Variants in SLC24A2 observed in about 807,000 individuals in gnomAD.
SLC24A2 encodes the protein solute carrier family 24 member 2.
Under a neutral mutation model 62.0 loss-of-function variants are expected in SLC24A2, and 36 were observed. That is an observed-to-expected ratio of 0.58 (90% confidence interval 0.44 to 0.77). The LOEUF is 0.77. SLC24A2 is among the 30% of genes least tolerant of loss of function. The pLI is 0.00. For missense variants in SLC24A2, 846 were observed against 817.9 expected (o/e 1.03, Z -0.42); for synonymous variants, 358 against 294.0 (o/e 1.22, Z -2.23).
chr9:20,158,734 C>T, the SLC24A2 span, among the ~76,000 whole-genome samples: 1 of 151,394 alleles, frequency 6.6e-6, no homozygotes, highest in Non-Finnish European at 1.5e-5. Context: ...GAAAACAAGG[C>T]AAAGAAGACT....
chr9:20,023,344 A>G, the SLC24A2 span, among the ~76,000 whole-genome samples: 3 of 152,324 alleles, frequency 2.0e-5, no homozygotes, highest in Admixed American at 6.5e-5. Context: ...CTGTATTTCC[A>G]TGGAAACACA....
chr9:20,046,775 G>C, the SLC24A2 span, among the ~76,000 whole-genome samples: 4 of 152,132 alleles, frequency 2.6e-5, no homozygotes, highest in Non-Finnish European at 5.9e-5. Context: ...TTTATCCCCA[G>C]AGAATCTCAT....
the SLC24A2 span, among the ~76,000 whole-genome samples, chr9:20,207,611 T>G: frequency 6.6e-6 from 1 of 152,252 alleles, no homozygotes; most frequent in East Asian, 1.9e-4. Context: ...CACACCTTTT[T>G]GTATCCTTAG....
chr9:19,689,348 T>G (rs186316352), intron 2 of SLC24A2, among the ~76,000 whole-genome samples: 1 of 152,296 alleles, frequency 6.6e-6, no homozygotes, highest in Non-Finnish European at 1.5e-5. Flanking sequence ...GCCATATTCT[T>G]AGTTAACTCA....
At chr9:19,621,360 T>A (rs745921219) in intron 3 of SLC24A2, among the ~76,000 whole-genome samples, 57 of 152,192 alleles carry the variant, frequency 3.7e-4, no homozygotes, top group Admixed American at 8.5e-4. Context: ...CTGGATCAGG[T>A]GTATTCTATG....
At chr9:19,583,911 T>C (rs898954980) in intron 5 of SLC24A2, among the ~76,000 whole-genome samples, 4 of 152,124 alleles carry the variant, frequency 2.6e-5, no homozygotes, top group African/African-American at 9.7e-5. Flanking sequence ...ATTTTTTTTA[T>C]TAAGCTGCCC....
the SLC24A2 span, among the ~76,000 whole-genome samples, chr9:20,078,932 C>A: frequency 6.6e-6 from 1 of 152,162 alleles, no homozygotes; most frequent in African/African-American, 2.4e-5. Flanking sequence ...TGTCTTAGAA[C>A]ACTAGTAACT....
the SLC24A2 span, among the ~76,000 whole-genome samples, chr9:20,227,529 C>T: frequency 1.7e-5 from 2 of 117,500 alleles, no homozygotes; most frequent in Admixed American, 9.9e-5. Flanking sequence ...AAGGCTCACA[C>T]ATTTCTAAAA....
the SLC24A2 span, among the ~76,000 whole-genome samples, chr9:19,873,646 A>G: frequency 6.8e-6 from 1 of 148,144 alleles, no homozygotes; most frequent in African/African-American, 2.5e-5. Flanking sequence ...ACAGGGTCTC[A>G]TATTCAGAAG....
At chr9:20,050,655 C>T in the SLC24A2 span, among the ~76,000 whole-genome samples, 1 of 152,168 alleles carries the variant, frequency 6.6e-6, no homozygotes, top group Non-Finnish European at 1.5e-5. Flanking sequence ...TGTATCAACT[C>T]TATTTGATAG....
the SLC24A2 span, among the ~76,000 whole-genome samples, chr9:19,960,569 A>G: frequency 6.6e-6 from 1 of 152,200 alleles, no homozygotes; most frequent in African/African-American, 2.4e-5. Context: ...CACCCATAAA[A>G]TGGGGGTAAT....
chr9:19,516,077 C>G lies in SLC24A2; in HGVS notation c.*76G>C, dbSNP rs1179382974. 3 of 1,585,156 alleles carry G rather than the reference C, an allele frequency of 1.9e-6. No homozygotes were observed. Among genetic ancestry groups the G allele is most frequent in the Non-Finnish European group, 2.6e-6 (3 of 1,154,840 alleles). On this transcript the variant is annotated 3_prime_UTR_variant, in exon 11 of 11. Coordinates refer to ENST00000341998, the MANE Select transcript of SLC24A2 (RefSeq NM_020344.4). ...GGGCTGTGTGCCAGCTGCCTCTTCTCAAGAGGTCAAGGAGCCCAGAGCCCA... is the reference window on the plus strand; with the variant it reads ...GGGCTGTGTGCCAGCTGCCTCTTCTGAAGAGGTCAAGGAGCCCAGAGCCCA...
At chr9:19,539,523 G>T (rs1489641486) in intron 8 of SLC24A2, among the ~76,000 whole-genome samples, 1 of 141,602 alleles carries the variant, frequency 7.1e-6, no homozygotes, top group Non-Finnish European at 1.5e-5. Flanking sequence ...CTTTGAGTGA[G>T]ATTCTTAATC....
At chr9:19,543,430 C>A (rs1017247038) in intron 8 of SLC24A2, among the ~76,000 whole-genome samples, 1 of 150,814 alleles carries the variant, frequency 6.6e-6, no homozygotes, top group East Asian at 1.9e-4. Context: ...TCTCTATCTC[C>A]TTCAGTTCTG....
the SLC24A2 span, among the ~76,000 whole-genome samples, chr9:20,208,108 G>T: frequency 3.9e-5 from 6 of 152,180 alleles, no homozygotes; most frequent in South Asian, 6.2e-4. Context: ...AGGAAAAATA[G>T]TGATACATCA....
chr9:19,997,036 GA>G, the SLC24A2 span, among the ~76,000 whole-genome samples: 51 of 146,540 alleles, frequency 3.5e-4, no homozygotes, highest in South Asian at 8.7e-4. Flanking sequence ...AAAAGATGGT[GA>G]AAAAAAAAAG....
chr9:19,733,501 G>C (rs1048441945), intron 2 of SLC24A2, among the ~76,000 whole-genome samples: 3 of 152,168 alleles, frequency 2.0e-5, no homozygotes, highest in African/African-American at 7.2e-5. Flanking sequence ...AACGCAGCTT[G>C]CTGCACCCAG....
At chr9:20,212,232 C>G in the SLC24A2 span, among the ~76,000 whole-genome samples, 1 of 151,570 alleles carries the variant, frequency 6.6e-6, no homozygotes, top group Non-Finnish European at 1.5e-5. Flanking sequence ...AGTATAATTT[C>G]ACAATAAGTG....
chr9:20,057,054 C>G, the SLC24A2 span, among the ~76,000 whole-genome samples: 1 of 151,888 alleles, frequency 6.6e-6, no homozygotes, highest in African/African-American at 2.4e-5. Context: ...TTTTTAAATC[C>G]CAAGTAATTT....
Sources: allele counts gnomAD v4.1 joint callset (sites outside exome capture counted in the v4.1 genomes callset), GRCh38; gene constraint gnomAD v4.1.1; transcripts MANE v1.5; gene names NCBI Gene and HGNC (gene_info 2026-07-23, HGNC 2026-07-21).